The following TYW1B variants were observed in gnomAD, a reference collection of about 807,000 sequenced individuals.
TYW1B encodes tRNA-yW synthesizing protein 1 homolog B, also known as S-adenosyl-L-methionine-dependent tRNA 4-demethylwyosine synthase TYW1B.
A neutral mutation model predicts 86.9 loss-of-function variants in TYW1B; 73 were observed. The observed-to-expected ratio is 0.84, with a 90% confidence interval of 0.70 to 1.02. The LOEUF is 1.02. TYW1B is among the 50% of genes least tolerant of loss of function. The pLI is 0.00. For missense variants in TYW1B, 637 were observed against 827.4 expected (o/e 0.77, Z 2.82); for synonymous variants, 248 against 292.8 (o/e 0.85, Z 1.56).
chr7:72,652,880 G>A (rs1173288099), intron 11 of TYW1B, among the ~76,000 whole-genome samples: 3 of 152,084 alleles, frequency 2.0e-5, no homozygotes, highest in Non-Finnish European at 4.4e-5. Flanking sequence ...CCTATCCCTG[G>A]AATTTGCCTT....
intron 3 of TYW1B, among the ~76,000 whole-genome samples, chr7:72,811,407 AAAC>A (rs1554478210): frequency 6.6e-6 from 1 of 152,038 alleles, no homozygotes. Context: ...CCTGAAGAGA[AAAC>A]AACAGCTCAC....
At chr7:72,677,699 C>T (rs782659178) in intron 11 of TYW1B, among the ~76,000 whole-genome samples, 11 of 151,828 alleles carry the variant, frequency 7.2e-5, no homozygotes, top group Non-Finnish European at 1.5e-4. Context: ...TATATGGTAT[C>T]CTTTTATTTA....
At chr7:72,788,633 A>G (rs1788168409) in intron 6 of TYW1B, among the ~76,000 whole-genome samples, 1 of 151,806 alleles carries the variant, frequency 6.6e-6, no homozygotes, top group African/African-American at 2.4e-5. Flanking sequence ...CCGGGGTTCA[A>G]GCGATTCTCC....
At chr7:72,747,332 G>A (rs1259387917) in intron 7 of TYW1B, among the ~76,000 whole-genome samples, 4 of 151,856 alleles carry the variant, frequency 2.6e-5, no homozygotes, top group African/African-American at 4.8e-5. Flanking sequence ...AGTACCTTTT[G>A]CCTCCTGCCA....
chr7:72,729,540 C>T (rs752436120), intron 8 of TYW1B, among the ~76,000 whole-genome samples: 2 of 152,090 alleles, frequency 1.3e-5, no homozygotes, highest in African/African-American at 4.8e-5. Context: ...ATTACAATGC[C>T]ATAACCCAAG....
At chr7:72,654,861 A>T (rs1813160776) in intron 11 of TYW1B, among the ~76,000 whole-genome samples, 1 of 152,224 alleles carries the variant, frequency 6.6e-6, no homozygotes, top group African/African-American at 2.4e-5. Flanking sequence ...AGCCTGGGTG[A>T]CAGAGAGAGA....
At position 72,575,412 on chromosome 7, in the gene TYW1B, T is replaced by C. The variant is rs2129567459; in HGVS notation, c.*86A>G. The C allele has an allele frequency of 6.6e-7, 1 of 1,525,678 alleles. No individual in the cohort carries two copies. Among genetic ancestry groups the C allele is most frequent in the East Asian group, 2.4e-5 (1 of 42,196 alleles). 94.5% of individuals were successfully genotyped at this position (1,525,678 alleles called of 1,614,324 possible). On this transcript the variant is annotated 3_prime_UTR_variant, in exon 14 of 14. Transcript: ENST00000620995. Reference sequence around the variant, plus strand: ...TGTATGAAAGTATAATTTACGTAATTCGTCCTTGGAGAATCAGAGTGGTGT... The same window carrying C: ...TGTATGAAAGTATAATTTACGTAATCCGTCCTTGGAGAATCAGAGTGGTGT...
chr7:72,774,119 AG>A (rs1473675701), intron 7 of TYW1B, among the ~76,000 whole-genome samples: 7 of 150,958 alleles, frequency 4.6e-5, no homozygotes, highest in Non-Finnish European at 8.9e-5. Context: ...AGAGGGAGAG[AG>A]GAAGGGAAGG....
intron 13 of TYW1B, among the ~76,000 whole-genome samples, chr7:72,602,507 C>CAATG (rs1170457357): frequency 6.6e-6 from 1 of 152,130 alleles, no homozygotes; most frequent in African/African-American, 2.4e-5. Flanking sequence ...GACAGCCCAA[C>CAATG]AATGAGCATA....
chr7:72,809,822 A>C (rs1436785200), intron 4 of TYW1B, among the ~76,000 whole-genome samples: 1 of 151,902 alleles, frequency 6.6e-6, no homozygotes, highest in Non-Finnish European at 1.5e-5. Flanking sequence ...ACATGGTGAA[A>C]CCCTGTCTCT....
intron 13 of TYW1B, among the ~76,000 whole-genome samples, chr7:72,613,393 T>C (rs1168154340): frequency 6.7e-6 from 1 of 149,070 alleles, no homozygotes; most frequent in Non-Finnish European, 1.5e-5. Flanking sequence ...ATATTTACTT[T>C]ATATCTTCTT....
At chr7:72,656,098 C>T (rs1813196228) in intron 11 of TYW1B, among the ~76,000 whole-genome samples, 1 of 152,200 alleles carries the variant, frequency 6.6e-6, no homozygotes, top group African/African-American at 2.4e-5. Flanking sequence ...CCACCACTGA[C>T]TGGCGCCTTA....
intron 7 of TYW1B, among the ~76,000 whole-genome samples, chr7:72,757,648 A>G (rs577520060): frequency 6.6e-6 from 1 of 152,282 alleles, no homozygotes; most frequent in South Asian, 2.1e-4. Flanking sequence ...AGTTATCAGA[A>G]TCAATATGGA....
chr7:72,764,727 T>C (rs1194063438), intron 7 of TYW1B, among the ~76,000 whole-genome samples: 3 of 152,172 alleles, frequency 2.0e-5, no homozygotes, highest in Non-Finnish European at 4.4e-5. Context: ...TGCGTCTGAC[T>C]CCATAAAACT....
At chr7:72,587,227 G>T (rs1554430634) in intron 13 of TYW1B, among the ~76,000 whole-genome samples, 1 of 152,082 alleles carries the variant, frequency 6.6e-6, no homozygotes, top group African/African-American at 2.4e-5. Flanking sequence ...GAATACTGAG[G>T]GGTGATTTTT....
intron 11 of TYW1B, among the ~76,000 whole-genome samples, chr7:72,688,184 A>G (rs34452434): frequency 6.6e-6 from 1 of 152,354 alleles, no homozygotes; most frequent in East Asian, 1.9e-4. Context: ...ATTCTGGTAA[A>G]GTATGAGTCA....
At chr7:72,715,698 T>C (rs1227591801) in intron 9 of TYW1B, among the ~76,000 whole-genome samples, 1 of 151,590 alleles carries the variant, frequency 6.6e-6, no homozygotes, top group Non-Finnish European at 1.5e-5. Flanking sequence ...TGACACAAGT[T>C]TACCTATGTA....
chr7:72,712,968 A>G (rs1435363471), intron 10 of TYW1B, among the ~76,000 whole-genome samples: 1 of 152,076 alleles, frequency 6.6e-6, no homozygotes, highest in Non-Finnish European at 1.5e-5. Flanking sequence ...ACAACAATAT[A>G]GTTTTCAACC....
At chr7:72,805,066 A>G (rs1188325938) in intron 5 of TYW1B, among the ~76,000 whole-genome samples, 1 of 151,850 alleles carries the variant, frequency 6.6e-6, no homozygotes, top group Non-Finnish European at 1.5e-5. Context: ...CACTGCATAT[A>G]CTCATGGTAG....
Sources: allele counts gnomAD v4.1 joint callset (sites outside exome capture counted in the v4.1 genomes callset), GRCh38; gene constraint gnomAD v4.1.1; transcripts MANE v1.5; gene names NCBI Gene and HGNC (gene_info 2026-07-23, HGNC 2026-07-21).